The following PDZD2 variants were observed in gnomAD, a reference collection of about 807,000 sequenced individuals.
The protein encoded by PDZD2 is PDZ domain containing 2, also known as PDZ domain-containing protein 2.
Under a neutral mutation model 220.7 loss-of-function variants are expected in PDZD2, and 90 were observed. The observed-to-expected ratio is 0.41, with a 90% CI of 0.34 to 0.49. The LOEUF (loss-of-function observed/expected upper bound fraction) is 0.49, where lower values mean the gene tolerates loss of function less well. Among genes scored for constraint, PDZD2 ranks in the 20% least tolerant of loss-of-function variants. The probability of loss-of-function intolerance (pLI) is 0.28; values close to 1 mark genes in which losing one functional copy is unlikely to be tolerated. For synonymous variants in PDZD2, 1,375 were observed against 1,450.5 expected, an observed-to-expected ratio of 0.95 and a Z score of 1.18; for missense variants, 3,174 against 3,608.5, an observed-to-expected ratio of 0.88 and a Z score of 3.08.
intron 1 of PDZD2, among the ~76,000 whole-genome samples, chr5:31,749,094 G>C (rs1282811161): frequency 6.6e-6 from 1 of 151,902 alleles, no homozygotes. Context: ...CATGGGGGGG[G>C]GCCTTAATTT....
At chr5:32,001,925 A>G (rs889125676) in intron 5 of PDZD2, among the ~76,000 whole-genome samples, 2 of 152,092 alleles carry the variant, frequency 1.3e-5, no homozygotes, top group Non-Finnish European at 2.9e-5. Flanking sequence ...CTTTATTCCA[A>G]TTCCAGCCGG....
chr5:32,089,491 A>G lies in PDZD2; in HGVS notation c.6043A>G (p.Thr2015Ala). Residue 2015 changes from threonine to alanine, a missense_variant, in exon 20 of 25, where the codon ACC becomes GCC. Physicochemically the swap from Thr to Ala is moderately conservative, Grantham distance 58. This residue lies in a region of PDZD2 where 1,861 missense variants were observed against 2,001.0 expected (regional missense o/e 0.93). Coordinates refer to ENST00000438447, the MANE Select transcript of PDZD2 (RefSeq NM_178140.4). Reference sequence around the variant, plus strand: ...CTCTGAACCCGACAGAGGTTGCCCAACCACCCCTAAATCTCCTAAGTGTAG... The same window carrying G: ...CTCTGAACCCGACAGAGGTTGCCCAGCCACCCCTAAATCTCCTAAGTGTAG... Reference protein sequence around the residue: ...VLSEPDRGCPTTPKSPKCRAE... With the variant: ...VLSEPDRGCPATPKSPKCRAE... 6.2e-7 allele frequency: 1 copy of G among 1,613,280 alleles called. No homozygotes were observed. The highest frequency in any genetic ancestry group is 1.1e-5 in the South Asian group (1 of 91,076).
intron 1 of PDZD2, among the ~76,000 whole-genome samples, chr5:31,776,630 A>AT (rs1369423694): frequency 6.6e-5 from 3 of 45,366 alleles, no homozygotes; most frequent in African/African-American, 3.7e-4. Flanking sequence ...TTTTTATTTT[A>AT]TTTATTTATT....
chr5:32,048,742 A>C (rs1738227604), intron 8 of PDZD2, 58 bp downstream of exon 8: 1 of 1,568,798 alleles, frequency 6.4e-7, no homozygotes, highest in East Asian at 2.2e-5. Context: ...GTTAAGAAGA[A>C]CTGCCCATCC....
chr5:31,799,509 T>G lies in PDZD2; in HGVS notation c.261T>G (p.Phe87Leu). ...LGDTETVGLSFGNIPVFGDYG... is the reference protein window; with the variant it reads ...LGDTETVGLSLGNIPVFGDYG... ...ACACAGAGACTGTGGGCCTGAGTTT[T>G]GGGAACATCCCTGTTTTCGGGGACT... Residue 87 changes from phenylalanine (F) to leucine (L), a missense_variant, in exon 2 of 25, where the codon TTT becomes TTG. Phe to Leu is a conservative substitution (Grantham distance 22). Transcript: ENST00000438447. 1.9e-6 allele frequency: 3 copies of G among 1,614,170 alleles called. No individual in the cohort carries two copies. Among genetic ancestry groups the G allele is most frequent in the Non-Finnish European group, 2.5e-6 (3 of 1,180,028 alleles).
At chr5:31,692,663 C>T (rs1471758551) in intron 1 of PDZD2, among the ~76,000 whole-genome samples, 1 of 152,226 alleles carries the variant, frequency 6.6e-6, no homozygotes, top group African/African-American at 2.4e-5. Context: ...GACACAGAGG[C>T]ATTGTGCCAT....
At chr5:32,024,349 G>A (rs1754450359) in intron 6 of PDZD2, among the ~76,000 whole-genome samples, 1 of 152,194 alleles carries the variant, frequency 6.6e-6, no homozygotes, top group African/African-American at 2.4e-5. Context: ...GATGGAAAAG[G>A]CATTAGATTT....
At chr5:31,912,076 T>C (rs954466798) in intron 2 of PDZD2, among the ~76,000 whole-genome samples, 11 of 152,158 alleles carry the variant, frequency 7.2e-5, no homozygotes, top group African/African-American at 2.4e-4. Flanking sequence ...TTGGCTCTAC[T>C]ACACAAAAGA....
chr5:31,732,685 T>G (rs1446281314), intron 1 of PDZD2, among the ~76,000 whole-genome samples: 4 of 152,234 alleles, frequency 2.6e-5, no homozygotes, highest in Admixed American at 6.5e-5. Context: ...GTTCCATAAT[T>G]TATGATGTTC....
At chr5:31,869,877 G>A (rs1421404033) in intron 2 of PDZD2, among the ~76,000 whole-genome samples, 1 of 152,204 alleles carries the variant, frequency 6.6e-6, no homozygotes, top group Non-Finnish European at 1.5e-5. Flanking sequence ...CTGACCCCCT[G>A]TAGAAGGTGG....
At chr5:31,653,933 C>G (rs1444573501) in intron 1 of PDZD2, among the ~76,000 whole-genome samples, 1 of 152,058 alleles carries the variant, frequency 6.6e-6, no homozygotes, top group Non-Finnish European at 1.5e-5. Context: ...TACAGGCGCC[C>G]GCCACCACAC....
chr5:31,980,057 G>A (rs1009991976), intron 2 of PDZD2, among the ~76,000 whole-genome samples: 3 of 152,158 alleles, frequency 2.0e-5, no homozygotes, highest in Admixed American at 6.5e-5. Flanking sequence ...TTTAAAAACC[G>A]AGACATATTC....
intron 1 of PDZD2, among the ~76,000 whole-genome samples, chr5:31,705,139 C>T (rs531888451): frequency 3.3e-5 from 5 of 151,452 alleles, no homozygotes; most frequent in East Asian, 1.9e-4. Context: ...CCAGCCTGGG[C>T]GACAGAGTGA....
intron 2 of PDZD2, among the ~76,000 whole-genome samples, chr5:31,893,444 T>C (rs1163485212): frequency 6.6e-6 from 1 of 152,082 alleles, no homozygotes; most frequent in African/African-American, 2.4e-5. Flanking sequence ...TGGTCCACAC[T>C]TGTAGTCCCA....
intron 1 of PDZD2, among the ~76,000 whole-genome samples, chr5:31,677,615 TAA>T (rs772919181): frequency 3.1e-5 from 4 of 128,028 alleles, no homozygotes; most frequent in African/African-American, 1.4e-4. Context: ...GACTCCGTCT[TAA>T]AAAAAAAAAA....
At chr5:31,704,989 C>T (rs1323261363) in intron 1 of PDZD2, among the ~76,000 whole-genome samples, 1 of 152,170 alleles carries the variant, frequency 6.6e-6, no homozygotes, top group South Asian at 2.1e-4. Context: ...GGTAAAACCC[C>T]GTCTCTACTA....
chr5:31,827,036 G>T (rs941902498), intron 2 of PDZD2, among the ~76,000 whole-genome samples: 1 of 152,128 alleles, frequency 6.6e-6, no homozygotes, highest in African/African-American at 2.4e-5. Flanking sequence ...AGAAAGGAGC[G>T]TAACCTTCCT....
At chr5:31,693,106 C>T (rs1345245507) in intron 1 of PDZD2, 1 of 144,294 alleles carries the variant, frequency 6.9e-6, no homozygotes, top group Admixed American at 7.2e-5. Flanking sequence ...CTGCGCTGCT[C>T]ATGATTGGAT....
rs530868488 is a variant in PDZD2, at chr5:32,058,415, TCCTAGCA to T, written c.2200+314_2200+320del. On this transcript the variant is annotated intron_variant, in intron 12 of 24. Transcript: ENST00000438447. The stretch of plus-strand genomic sequence containing the variant: ...CAGGCACAGTGGCTCATGTCTGTAA[TCCTAGCA>T]CTTTGGGAAGCCGAGGCAGGTAGAT... Among the ~76,000 whole-genome samples, 399 of 149,600 alleles carry T rather than the reference TCCTAGCA, an allele frequency of 2.7e-3. 1 individual carries two copies. Among genetic ancestry groups the T allele is most frequent in the African/African-American group, 9.1e-3 (370 of 40,556 alleles).
Sources: allele counts gnomAD v4.1 joint callset (sites outside exome capture counted in the v4.1 genomes callset), GRCh38; gene constraint gnomAD v4.1.1; regional missense constraint gnomAD v4.1.1; transcripts MANE v1.5; gene names NCBI Gene and HGNC (gene_info 2026-07-23, HGNC 2026-07-21).